Variants in SEMA3A observed in about 807,000 individuals in gnomAD.
SEMA3A encodes the protein semaphorin-3A.
SEMA3A carries 29 observed loss-of-function variants against 97.9 expected under a neutral mutation model. The ratio of observed to expected loss-of-function variants is 0.30; its 90% CI spans 0.22 to 0.40. The LOEUF is 0.40. Among genes scored for constraint, SEMA3A ranks in the 10% least tolerant of loss-of-function variants. The pLI is 1.00. For missense variants in SEMA3A, 763 were observed against 951.3 expected (o/e 0.80, Z 2.60); for synonymous variants, 321 against 323.7 (o/e 0.99, Z 0.09).
At chr7:84,417,588 A>G (rs1804470220) in intron 1 of SEMA3A, among the ~76,000 whole-genome samples, 1 of 152,144 alleles carries the variant, frequency 6.6e-6, no homozygotes, top group Non-Finnish European at 1.5e-5. Context: ...TACTATGGAA[A>G]ACGTATTTAT....
At position 84,207,677 on chromosome 7, in the gene SEMA3A, C is replaced by A. The variant is rs143044718; in HGVS notation, c.-82-13009G>T. Among the ~76,000 whole-genome samples the A allele has an allele frequency of 3.9e-3, 587 of 152,258 alleles. 8 individuals are homozygous for A. The highest frequency in any genetic ancestry group is 0.014 in the African/African-American group (563 of 41,538). The stretch of plus-strand genomic sequence containing the variant: ...AATGGCTTTCATTTTGCCAAGTTCT[C>A]TGACCTATAAGCTAAAACTCAGGCA... On this transcript the variant is annotated intron_variant, in intron 3 of 3. Coordinates refer to the SEMA3A transcript ENST00000424555.
intron 1 of SEMA3A, among the ~76,000 whole-genome samples, chr7:84,425,289 T>C (rs1804772263): frequency 8.2e-6 from 1 of 122,608 alleles, no homozygotes; most frequent in Non-Finnish European, 1.6e-5. Context: ...TATAATATAT[T>C]TATATTTATA....
chr7:84,291,791 G>C (rs1001845903), intron 3 of SEMA3A, among the ~76,000 whole-genome samples: 1 of 152,118 alleles, frequency 6.6e-6, no homozygotes, highest in Non-Finnish European at 1.5e-5. Context: ...AAGCCTCTTA[G>C]AAAGCAAAAC....
chr7:84,067,986 C>A (rs1234943774), intron 4 of SEMA3A, among the ~76,000 whole-genome samples: 4 of 128,890 alleles, frequency 3.1e-5, no homozygotes, highest in African/African-American at 1.3e-4. Flanking sequence ...ATGTTTATTG[C>A]GGCATTATTC....
At chr7:84,100,184 A>G (rs1794916496) in intron 4 of SEMA3A, among the ~76,000 whole-genome samples, 2 of 152,002 alleles carry the variant, frequency 1.3e-5, no homozygotes, top group African/African-American at 4.8e-5. Flanking sequence ...TGTTTACCTC[A>G]TTGAGTGTTC....
At chr7:84,439,443 A>G (rs903779625) in intron 1 of SEMA3A, among the ~76,000 whole-genome samples, 1 of 152,214 alleles carries the variant, frequency 6.6e-6, no homozygotes, top group Non-Finnish European at 1.5e-5. Flanking sequence ...ACTGACTGCA[A>G]TGCTAGTTTT....
chr7:84,150,668 C>T (rs1403876344), intron 1 of SEMA3A, among the ~76,000 whole-genome samples: 4 of 152,110 alleles, frequency 2.6e-5, no homozygotes, highest in African/African-American at 9.7e-5. Flanking sequence ...GGGGGAGGGG[C>T]GCCCGCCATT....
intron 4 of SEMA3A, among the ~76,000 whole-genome samples, chr7:84,090,110 C>T (rs1023506733): frequency 6.6e-6 from 1 of 151,884 alleles, no homozygotes; most frequent in African/African-American, 2.4e-5. Context: ...CAAAATAAGA[C>T]AAAATATTAT....
At chr7:84,484,202 G>T (rs1305218903) in intron 1 of SEMA3A, among the ~76,000 whole-genome samples, 1 of 152,142 alleles carries the variant, frequency 6.6e-6, no homozygotes, top group African/African-American at 2.4e-5. Context: ...ACTGTGTAAG[G>T]CTGTGGGTAG....
At chr7:84,253,323 T>C (rs960270870) in intron 3 of SEMA3A, among the ~76,000 whole-genome samples, 3 of 151,938 alleles carry the variant, frequency 2.0e-5, no homozygotes, top group Non-Finnish European at 4.4e-5. Flanking sequence ...AAGACAGATC[T>C]AGCCTCAGCT....
chr7:84,246,716 A>G (rs1347261227), intron 3 of SEMA3A, among the ~76,000 whole-genome samples: 1 of 152,014 alleles, frequency 6.6e-6, no homozygotes, highest in Non-Finnish European at 1.5e-5. Flanking sequence ...TTCTCATGGG[A>G]GGACAAACTA....
chr7:84,349,815 C>T (rs1257982948), intron 2 of SEMA3A, among the ~76,000 whole-genome samples: 2 of 151,544 alleles, frequency 1.3e-5, no homozygotes, highest in Non-Finnish European at 2.9e-5. Flanking sequence ...CTTTTTTTTC[C>T]ACTTTTTCAG....
chr7:84,273,799 T>C (rs1800216155), intron 3 of SEMA3A, among the ~76,000 whole-genome samples: 3 of 152,086 alleles, frequency 2.0e-5, no homozygotes, highest in Non-Finnish European at 4.4e-5. Context: ...TTTTCTTTAC[T>C]ATTAGAGTCA....
intron 1 of SEMA3A, among the ~76,000 whole-genome samples, chr7:84,475,889 G>C (rs1042358842): frequency 1.3e-5 from 2 of 151,958 alleles, no homozygotes; most frequent in Non-Finnish European, 2.9e-5. Context: ...TTGTTGTCAT[G>C]GTAGACTTAA....
intron 3 of SEMA3A, among the ~76,000 whole-genome samples, chr7:84,292,573 C>T (rs1346966653): frequency 6.6e-5 from 10 of 151,958 alleles, no homozygotes; most frequent in Admixed American, 6.6e-4. Flanking sequence ...ATCCTCCATA[C>T]TTTAGTTAAT....
At chr7:84,359,409 G>T (rs1286884073) in intron 2 of SEMA3A, among the ~76,000 whole-genome samples, 2 of 152,036 alleles carry the variant, frequency 1.3e-5, no homozygotes, top group Non-Finnish European at 2.9e-5. Context: ...TGTGGTTTTT[G>T]TCCTTGGTTC....
chr7:84,079,164 G>T (rs960785445), intron 4 of SEMA3A, among the ~76,000 whole-genome samples: 2 of 151,900 alleles, frequency 1.3e-5, no homozygotes, highest in African/African-American at 2.4e-5. Context: ...TAACTACAAT[G>T]TTTGATGTGA....
In SEMA3A at chr7:84,194,460, A is replaced by G; in HGVS notation, c.112+15T>C. The G allele has an allele frequency of 6.4e-7, 1 of 1,550,434 alleles. No individual in the cohort carries two copies. The highest frequency in any genetic ancestry group is 8.9e-7 in the Non-Finnish European group (1 of 1,122,478). On this transcript the variant is annotated intron_variant, in intron 1 of 16. Coordinates refer to ENST00000265362, the MANE Select transcript of SEMA3A (RefSeq NM_006080.3). ...TATTACAAAGCTAACCAAATAAAAG[A>G]AAAATAAGATTTACCTTTGTAGGAT...
In SEMA3A at chr7:83,955,864, C is replaced by T. The variant is rs1025346232; in HGVS notation, c.*5507G>A. 1 of 152,106 alleles carries T rather than the reference C, an allele frequency of 6.6e-6. No individual in the cohort carries two copies. The highest frequency in any genetic ancestry group is 2.4e-5 in the African/African-American group (1 of 41,420). 9.4% of individuals were successfully genotyped at this position (152,106 alleles called of 1,614,324 possible). A position where few individuals can be genotyped will look rare whatever the true frequency, so the allele number is the denominator to read the frequency against. ...AGACGGAAGTTGAGCCTTCACATTACCTGAATTGTGATGACATGAACACAT... is the reference window on the plus strand; with the variant it reads ...AGACGGAAGTTGAGCCTTCACATTATCTGAATTGTGATGACATGAACACAT... On this transcript the variant is annotated 3_prime_UTR_variant, in exon 17 of 17. Coordinates refer to ENST00000265362, the MANE Select transcript of SEMA3A (RefSeq NM_006080.3).
Sources: allele counts gnomAD v4.1 joint callset (sites outside exome capture counted in the v4.1 genomes callset), GRCh38; gene constraint gnomAD v4.1.1; transcripts MANE v1.5; gene names NCBI Gene and HGNC (gene_info 2026-07-23, HGNC 2026-07-21).